Variants in CIT observed in about 807,000 individuals in gnomAD.
CIT encodes the protein citron rho-interacting serine/threonine kinase, also known as citron Rho-interacting kinase.
CIT carries 79 observed loss-of-function variants against 272.7 expected under a neutral mutation model. The observed-to-expected ratio is 0.29, with a 90% CI of 0.24 to 0.35. The LOEUF is 0.35. CIT is among the 10% of genes least tolerant of loss of function. The pLI is 1.00. For missense variants in CIT, 1,909 were observed against 2,618.3 expected (o/e 0.73, Z 5.91); for synonymous variants, 948 against 995.6 (o/e 0.95, Z 0.90).
Position 119,785,015 on chromosome 12 carries a change from T to C in CIT, c.1346A>G (p.Lys449Arg). 6.2e-7 allele frequency: 1 copy of C among 1,614,200 alleles called. No homozygotes were observed. The highest frequency in any genetic ancestry group is 8.5e-7 in the Non-Finnish European group (1 of 1,180,030). ...CTCTTTGCTTTTGATGAGAAGTTTC[T>C]TTTCCATGGAGCTAGTCTTGGCAGG... ...DSPAKTSSME[K>R]KLLIKSKELQ... The change falls in exon 11 of 48, where the codon AAG (lysine) becomes AGG (arginine). Residue 449 changes from lysine to arginine, a missense_variant. This residue lies in a region of CIT where 26 missense variants were observed against 44.1 expected (regional missense o/e 0.59). Coordinates refer to ENST00000392521, the MANE Select transcript of CIT (RefSeq NM_001206999.2).
chr12:119,842,262 G>A (rs1036040090), intron 5 of CIT, among the ~76,000 whole-genome samples: 4 of 151,762 alleles, frequency 2.6e-5, no homozygotes, highest in Admixed American at 6.6e-5. Context: ...GGTGGTGTGC[G>A]CCTGTAATCC....
At chr12:119,790,081 G>A (rs2137764713) in intron 10 of CIT, among the ~76,000 whole-genome samples, 1 of 152,160 alleles carries the variant, frequency 6.6e-6, no homozygotes, top group Non-Finnish European at 1.5e-5. Context: ...AGTGATTGCT[G>A]ATAATTGCAT....
chr12:119,775,968 G>A, intron 15 of CIT, 129 bp from the exon 16 acceptor site: 2 of 688,930 alleles, frequency 2.9e-6, no homozygotes, highest in Non-Finnish European at 4.8e-6. Context: ...AACCTATTAA[G>A]GGAGAGGAAG....
chr12:119,874,268 C>T (rs1314386759), intron 2 of CIT, among the ~76,000 whole-genome samples: 2 of 152,092 alleles, frequency 1.3e-5, no homozygotes, highest in Non-Finnish European at 2.9e-5. Context: ...GACAGGGTTT[C>T]ACCACGTTGT....
chr12:119,727,455 G>A (rs149662301), intron 28 of CIT, among the ~76,000 whole-genome samples: 7 of 152,284 alleles, frequency 4.6e-5, no homozygotes, highest in African/African-American at 1.7e-4. Flanking sequence ...TCAGAAGGGG[G>A]AAGGCGAGGA....
chr12:119,708,613 G>A (rs996261991), intron 39 of CIT, among the ~76,000 whole-genome samples: 18 of 151,928 alleles, frequency 1.2e-4, no homozygotes. Flanking sequence ...AGCCTCCTGA[G>A]TAGCTGGGAT....
At chr12:119,707,167 T>A (rs1035062945) in intron 40 of CIT, among the ~76,000 whole-genome samples, 3 of 152,212 alleles carry the variant, frequency 2.0e-5, no homozygotes, top group African/African-American at 7.2e-5. Flanking sequence ...CATCTCTCTC[T>A]CACAGACACA....
chr12:119,706,900 C>T (rs1363861970), intron 40 of CIT, among the ~76,000 whole-genome samples: 1 of 152,220 alleles, frequency 6.6e-6, no homozygotes, highest in Non-Finnish European at 1.5e-5. Context: ...TATACTCCCA[C>T]CAACAGTGTA....
chr12:119,829,616 T>C (rs919307751), intron 7 of CIT, among the ~76,000 whole-genome samples: 5 of 152,190 alleles, frequency 3.3e-5, no homozygotes, highest in Non-Finnish European at 7.4e-5. Context: ...TACTATGCTA[T>C]ATAATGTGGT....
At chr12:119,691,125 T>A (rs988796851) in intron 46 of CIT, among the ~76,000 whole-genome samples, 6 of 131,396 alleles carry the variant, frequency 4.6e-5, no homozygotes, top group Admixed American at 2.9e-4. Flanking sequence ...TGAGCCAAGA[T>A]CGGACCACTG....
chr12:119,836,519 T>C (rs7309586), intron 5 of CIT, among the ~76,000 whole-genome samples: 25,142 of 151,860 alleles, frequency 0.17, 2,427 homozygotes, highest in East Asian at 0.46. Flanking sequence ...TATATGTCTG[T>C]TTTAAATATA....
intron 3 of CIT, among the ~76,000 whole-genome samples, chr12:119,859,540 G>C (rs1950271538): frequency 6.6e-6 from 1 of 152,042 alleles, no homozygotes; most frequent in South Asian, 2.1e-4. Context: ...CAAATGGCTG[G>C]GCGCAGTAGC....
intron 24 of CIT, among the ~76,000 whole-genome samples, chr12:119,738,043 TA>T (rs1308459529): frequency 6.6e-6 from 1 of 152,156 alleles, no homozygotes; most frequent in African/African-American, 2.4e-5. Context: ...TCCTTTGAAG[TA>T]GGTATTATTT....
chr12:119,776,325 T>C (rs887916924), intron 15 of CIT, 33 bp downstream of exon 15: 1 of 1,584,106 alleles, frequency 6.3e-7, no homozygotes, highest in Non-Finnish European at 8.7e-7. Context: ...CTACCCAAAA[T>C]ATTAATAGCA....
Position 119,782,524 on chromosome 12 carries a change from T to C in CIT, c.1659A>G (p.Lys553=), listed in dbSNP as rs772382597. The change falls in exon 13 of 48, where the codon AAA becomes AAG. Residue 553 remains lysine, a synonymous_variant. Transcript: ENST00000392521. ...REQSRKLQEI[K]EQEYQAQVEE... ...CCCAGGCAAGCAGGCCTACCTGCTC[T>C]TTGATTTCTTGGAGCTTCCGGCTCT... 16 of 1,613,926 alleles carry C rather than the reference T, an allele frequency of 9.9e-6. No homozygotes were observed. Among genetic ancestry groups the C allele is most frequent in the Non-Finnish European group, 1.3e-5 (15 of 1,180,000 alleles).
intron 18 of CIT, among the ~76,000 whole-genome samples, chr12:119,769,982 C>T (rs1184849419): frequency 6.6e-6 from 1 of 151,308 alleles, no homozygotes; most frequent in African/African-American, 2.5e-5. Flanking sequence ...GAGGAATGAC[C>T]AATGACTTCA....
intron 5 of CIT, among the ~76,000 whole-genome samples, chr12:119,842,388 CAAAAAAAAAA>C (rs58634070): frequency 2.8e-5 from 2 of 71,538 alleles, no homozygotes; most frequent in Non-Finnish European, 2.6e-5. Flanking sequence ...GACTGCATCT[CAAAAAAAAAA>C]AAAAAAAAAA....
intron 7 of CIT, among the ~76,000 whole-genome samples, chr12:119,828,109 T>C (rs1417423292): frequency 6.6e-6 from 1 of 152,194 alleles, no homozygotes; most frequent in Non-Finnish European, 1.5e-5. Flanking sequence ...CAAAGAAAGA[T>C]AATTCCCCAA....
intron 23 of CIT, among the ~76,000 whole-genome samples, chr12:119,750,731 C>T (rs1109709): frequency 0.016 from 2,356 of 148,738 alleles, 70 homozygotes; most frequent in African/African-American, 0.056. Flanking sequence ...AATGAAACTA[C>T]GTTAAATATA....
Sources: gnomAD v4.1 joint callset for allele counts (sites outside exome capture counted in the v4.1 genomes callset) on GRCh38, gnomAD v4.1.1 for gene constraint, gnomAD v4.1.1 regional missense constraint, MANE v1.5 for transcripts, NCBI Gene and HGNC (gene_info 2026-07-23, HGNC 2026-07-21) for gene names.